The following PLXDC2 variants were observed in gnomAD, a reference collection of about 807,000 sequenced individuals.
The protein encoded by PLXDC2 is plexin domain containing 2, also known as plexin domain-containing protein 2.
Under a neutral mutation model 68.9 loss-of-function variants are expected in PLXDC2, and 40 were observed. The observed-to-expected ratio is 0.58, with a 90% CI of 0.45 to 0.76. The LOEUF (loss-of-function observed/expected upper bound fraction) is 0.76, where lower values mean the gene tolerates loss of function less well. Ranked by LOEUF, PLXDC2 falls within the 30% of genes least tolerant of loss-of-function variation. The pLI, the probability that PLXDC2 is intolerant of heterozygous loss-of-function variation, is 0.00. For missense variants in PLXDC2, 644 were observed against 661.9 expected, an observed-to-expected ratio of 0.97 and a Z score of 0.30; for synonymous variants, 243 against 234.2, an observed-to-expected ratio of 1.04 and a Z score of -0.34.
At chr10:19,867,425 T>G (rs1344744071) in intron 1 of PLXDC2, among the ~76,000 whole-genome samples, 7 of 152,168 alleles carry the variant, frequency 4.6e-5, no homozygotes, top group African/African-American at 1.7e-4. Context: ...CTGGTGGAGA[T>G]CTGTATTTCT....
chr10:19,861,734 C>T lies in PLXDC2; in HGVS notation c.112+44543C>T, dbSNP rs534917586. 8.5e-4 allele frequency among the ~76,000 whole-genome samples: 130 copies of T among 152,272 alleles called. 2 individuals are homozygous for T. The highest frequency in any genetic ancestry group is 2.5e-3 in the African/African-American group (102 of 41,562). On this transcript the variant is annotated intron_variant, in intron 1 of 13. Transcript: ENST00000377252. ...AGTCTTTTTGACCTTTTCTGCAGCT[C>T]CTCTGACCTCTAGCTCCACCTCAGC...
intron 4 of PLXDC2, among the ~76,000 whole-genome samples, chr10:20,122,110 G>T (rs1367886556): frequency 6.6e-6 from 1 of 151,958 alleles, no homozygotes; most frequent in Non-Finnish European, 1.5e-5. Flanking sequence ...CAGGGAAGCA[G>T]ATAATGTAGT....
chr10:19,932,683 C>T (rs1464129163), intron 1 of PLXDC2, among the ~76,000 whole-genome samples: 1 of 152,044 alleles, frequency 6.6e-6, no homozygotes, highest in Admixed American at 6.6e-5. Context: ...ATCTTTGGAT[C>T]GATTATCCTC....
intron 1 of PLXDC2, among the ~76,000 whole-genome samples, chr10:19,903,190 C>G (rs377164614): frequency 1.4e-4 from 21 of 151,830 alleles, no homozygotes; most frequent in Admixed American, 1.4e-3. Flanking sequence ...CTGGCTTCAT[C>G]GAATGATTTA....
rs1834329457 is a variant in PLXDC2, at chr10:19,970,347, G to A, written c.113-31428G>A. On this transcript the variant is annotated intron_variant, in intron 1 of 13. Coordinates refer to ENST00000377252, the MANE Select transcript of PLXDC2 (RefSeq NM_032812.9). ...AATCAGGAGGCTGAATGTTTTTAAA[G>A]TTTAAAAACAGTTAGCCCCTTGACA... Among the ~76,000 whole-genome samples the A allele has an allele frequency of 2.0e-5, 3 of 152,200 alleles. No homozygotes were observed. In the South Asian group the frequency reaches 6.2e-4, roughly 31 times the overall value.
At chr10:19,982,568 A>T (rs1834569430) in intron 1 of PLXDC2, among the ~76,000 whole-genome samples, 2 of 152,172 alleles carry the variant, frequency 1.3e-5, no homozygotes, top group African/African-American at 4.8e-5. Context: ...TTTATACAGG[A>T]TCGGTAGGTG....
intron 6 of PLXDC2, among the ~76,000 whole-genome samples, chr10:20,163,623 G>A (rs1488956302): frequency 1.3e-5 from 2 of 151,858 alleles, no homozygotes; most frequent in African/African-American, 4.8e-5. Flanking sequence ...CTGTTTCTTT[G>A]TTTATTGAAG....
intron 1 of PLXDC2, among the ~76,000 whole-genome samples, chr10:19,878,205 A>AT (rs372112018): frequency 0.08 from 11,830 of 147,640 alleles, 577 homozygotes; most frequent in Admixed American, 0.19. Context: ...CAGACTCTTG[A>AT]TTTTTTTTTT....
chr10:20,228,647 A>T (rs1351246956), intron 12 of PLXDC2, among the ~76,000 whole-genome samples: 1 of 151,116 alleles, frequency 6.6e-6, no homozygotes, highest in African/African-American at 2.4e-5. Context: ...GGGAGGGAGG[A>T]AACAAGGAAG....
At chr10:19,963,847 A>T (rs35753797) in intron 1 of PLXDC2, among the ~76,000 whole-genome samples, 1 of 151,962 alleles carries the variant, frequency 6.6e-6, no homozygotes, top group African/African-American at 2.4e-5. Context: ...AAAAAAAAAA[A>T]CAAAAAACAA....
chr10:19,924,983 A>G (rs1303703473), intron 1 of PLXDC2, among the ~76,000 whole-genome samples: 2 of 152,174 alleles, frequency 1.3e-5, no homozygotes, highest in Non-Finnish European at 2.9e-5. Context: ...TTACCTCGCC[A>G]TGCTTTTTGG....
chr10:20,103,390 T>C (rs1359873471), intron 4 of PLXDC2, among the ~76,000 whole-genome samples: 2 of 152,164 alleles, frequency 1.3e-5, no homozygotes, highest in African/African-American at 2.4e-5. Flanking sequence ...TCACTGCTCA[T>C]ATTGATAAGA....
chr10:19,863,618 G>A (rs1336497558), intron 1 of PLXDC2, among the ~76,000 whole-genome samples: 1 of 152,136 alleles, frequency 6.6e-6, no homozygotes, highest in Non-Finnish European at 1.5e-5. Flanking sequence ...ATAAGTTAAT[G>A]ACTTAGTACC....
chr10:20,127,032 A>T (rs1418364780), intron 4 of PLXDC2, among the ~76,000 whole-genome samples: 1 of 151,710 alleles, frequency 6.6e-6, no homozygotes, highest in African/African-American at 2.4e-5. Flanking sequence ...TGCTAAGGCA[A>T]TTAAAACCCA....
At chr10:19,853,204 C>A (rs966641507) in intron 1 of PLXDC2, among the ~76,000 whole-genome samples, 5 of 152,012 alleles carry the variant, frequency 3.3e-5, no homozygotes, top group African/African-American at 9.7e-5. Context: ...GTGAGTAATG[C>A]CTTTGTTTTG....
At chr10:20,126,996 A>C (rs186127127) in intron 4 of PLXDC2, among the ~76,000 whole-genome samples, 9 of 151,042 alleles carry the variant, frequency 6.0e-5, no homozygotes, top group African/African-American at 2.2e-4. Flanking sequence ...ATGTATAAGG[A>C]TATGACATTA....
intron 4 of PLXDC2, among the ~76,000 whole-genome samples, chr10:20,111,002 C>T (rs1055271645): frequency 6.6e-6 from 1 of 152,118 alleles, no homozygotes; most frequent in African/African-American, 2.4e-5. Flanking sequence ...ACCAGGGTAC[C>T]CACATAATTC....
At chr10:20,029,743 A>T (rs1835468388) in intron 2 of PLXDC2, among the ~76,000 whole-genome samples, 1 of 152,220 alleles carries the variant, frequency 6.6e-6, no homozygotes, top group African/African-American at 2.4e-5. Context: ...CATATTACGA[A>T]AATATTTGTC....
chr10:20,200,303 A>G (rs1834899593), intron 9 of PLXDC2, among the ~76,000 whole-genome samples: 1 of 152,082 alleles, frequency 6.6e-6, no homozygotes, highest in African/African-American at 2.4e-5. Context: ...AAATGTAGAA[A>G]TACAAAGAGT....
Sources: allele counts gnomAD v4.1 joint callset (sites outside exome capture counted in the v4.1 genomes callset), GRCh38; gene constraint gnomAD v4.1.1; transcripts MANE v1.5; gene names NCBI Gene and HGNC (gene_info 2026-07-23, HGNC 2026-07-21).